NHS: variants seen among roughly 807,000 people sequenced by gnomAD.
NHS encodes NHS actin remodeling regulator.
In NHS, 5 loss-of-function variants were observed where a neutral mutation model predicts 72.5. The ratio of observed to expected loss-of-function variants is 0.07; its 90% CI spans 0.04 to 0.14. The LOEUF (loss-of-function observed/expected upper bound fraction) is 0.14. Among genes scored for constraint, NHS ranks in the 10% least tolerant of loss-of-function variants. The pLI is 1.00. For missense variants in NHS, 1,072 were observed against 1,355.7 expected (o/e 0.79, Z 3.29); for synonymous variants, 464 against 547.7 (o/e 0.85, Z 2.13).
At chrX:17,557,773 C>T (rs1382076869) in intron 1 of NHS, among the ~76,000 whole-genome samples, 1 of 111,299 alleles carries the variant, frequency 9.0e-6, no homozygotes, top group Admixed American at 9.5e-5. Flanking sequence ...AGGTCCACTT[C>T]GAAGTTTACA....
chrX:17,561,546 A>G (rs2065412303), intron 1 of NHS, among the ~76,000 whole-genome samples: 1 of 97,851 alleles, frequency 1.0e-5, no homozygotes, highest in African/African-American at 3.9e-5. Flanking sequence ...TTCTTCACAC[A>G]TGCAAGTGCA....
At chrX:17,473,902 ATATTTATT>A (rs750807045) in intron 1 of NHS, among the ~76,000 whole-genome samples, 1 of 111,211 alleles carries the variant, frequency 9.0e-6, no homozygotes, top group Non-Finnish European at 1.9e-5. Flanking sequence ...ACAATGCTTT[ATATTTATT>A]TATTTATTTA....
rs115775430 is a variant in NHS, at chrX:17,511,596, C to A, written c.565+135274C>A. 7.5e-3 allele frequency among the ~76,000 whole-genome samples: 844 copies of A among 112,057 alleles called. 5 individuals are homozygous for A. Among genetic ancestry groups the A allele is most frequent in the African/African-American group, 0.026 (813 of 30,850 alleles). On this transcript the variant is annotated intron_variant, in intron 1 of 8. Transcript: ENST00000676302. ...TCCCAGGAATCTGTATTTTAACAAA[C>A]CTTGTGTTATTCCTAGTGCCAGGCA...
intron 3 of NHS, among the ~76,000 whole-genome samples, chrX:17,697,522 A>G (rs1179338296): frequency 8.9e-6 from 1 of 112,136 alleles, no homozygotes; most frequent in Non-Finnish European, 1.9e-5. Context: ...AATTTTCAAC[A>G]TACAGGAACT....
chrX:17,687,263 T>G (rs2066168037), intron 1 of NHS: 2 of 182,109 alleles, frequency 1.1e-5, no homozygotes, highest in African/African-American at 5.9e-5. Flanking sequence ...GGGCAAGGTA[T>G]AGGCCGAAGT....
intron 1 of NHS, among the ~76,000 whole-genome samples, chrX:17,487,562 TG>T: frequency 9.0e-6 from 1 of 111,726 alleles, no homozygotes; most frequent in East Asian, 2.8e-4. Flanking sequence ...CTTCTCTCCC[TG>T]ATGTACCCGC....
Position 17,601,099 on chromosome X carries a change from G to A in NHS, c.566-86643G>A, listed in dbSNP as rs753070425. On this transcript the variant is annotated intron_variant, in intron 1 of 8. Transcript: ENST00000676302. ...GAAAGCCATTATAGGTGCTAGCATT[G>A]TAACTAATTAAGAAGTGGTAAAACC... 2.7e-5 allele frequency among the ~76,000 whole-genome samples: 3 copies of A among 111,965 alleles called. No individual in the cohort carries two copies. In the East Asian group the frequency reaches 8.4e-4, roughly 31 times the overall value.
intron 1 of NHS, among the ~76,000 whole-genome samples, chrX:17,656,226 G>T (rs188280886): frequency 3.5e-5 from 4 of 113,076 alleles, no homozygotes; most frequent in South Asian, 7.2e-4. Flanking sequence ...TAGGATTTCT[G>T]CACCAGGGGA....
chrX:17,731,964 T>A lies in NHS; in HGVS notation c.4456T>A (p.Ser1486Thr). 2 of 1,211,362 alleles carry A rather than the reference T, an allele frequency of 1.7e-6. No homozygotes were observed. The highest frequency in any genetic ancestry group is 1.1e-6 in the Non-Finnish European group (1 of 895,434). ...SSSSSASSIT[S>T]PSSNVTTPNS... is the part of the protein sequence containing the mutation. The stretch of plus-strand genomic sequence containing the variant: ...CAGCAGCAGCGCCAGTTCCATCACT[T>A]CACCCAGCAGTAATGTGACAACCCC... Residue 1486 changes from serine (S) to threonine (T), a missense_variant, in exon 9 of 9, where the codon TCA becomes ACA. Ser to Thr is a moderately conservative substitution (Grantham distance 58). Coordinates refer to ENST00000676302, the MANE Select transcript of NHS (RefSeq NM_001291867.2).
Position 17,717,074 on chromosome X carries a change from TCTC to T in NHS, c.853-2267_853-2265del, listed in dbSNP as rs200736008. 8.5e-3 allele frequency among the ~76,000 whole-genome samples: 926 copies of T among 109,143 alleles called. 26 individuals carry two copies. The highest frequency in any genetic ancestry group is 0.068 in the Admixed American group (701 of 10,284). 94.8% of individuals were successfully genotyped at this position (109,143 alleles called of 115,157 possible). Reference sequence around the variant, plus strand: ...CCTCTGCCTCCCAGGTTCAAGCAATTCTCCTGCCTCAGCCTCCCGAGTAGCTGG... The same window carrying T: ...CCTCTGCCTCCCAGGTTCAAGCAATTCTGCCTCAGCCTCCCGAGTAGCTGG... On this transcript the variant is annotated intron_variant, in intron 3 of 8. Coordinates refer to ENST00000676302, the MANE Select transcript of NHS (RefSeq NM_001291867.2).
chrX:17,454,913 T>A (rs1271737875), intron 1 of NHS, among the ~76,000 whole-genome samples: 1 of 111,785 alleles, frequency 8.9e-6, no homozygotes, highest in Non-Finnish European at 1.9e-5. Context: ...TGGTCATCTG[T>A]CAAATTGCAA....
At chrX:17,521,138 A>G (rs2065146490) in intron 1 of NHS, among the ~76,000 whole-genome samples, 1 of 111,943 alleles carries the variant, frequency 8.9e-6, no homozygotes, top group Non-Finnish European at 1.9e-5. Context: ...GCACAAAGCT[A>G]GGGGCCTGTG....
chrX:17,650,324 G>T (rs1047699258), intron 1 of NHS, among the ~76,000 whole-genome samples: 2 of 112,425 alleles, frequency 1.8e-5, no homozygotes, highest in African/African-American at 6.5e-5. Context: ...CATTTTAGAA[G>T]GTATTTTTGG....
At chrX:17,511,327 G>T (rs1049345868) in intron 1 of NHS, among the ~76,000 whole-genome samples, 1 of 111,592 alleles carries the variant, frequency 9.0e-6, no homozygotes, top group Non-Finnish European at 1.9e-5. Context: ...ACCACCGTAG[G>T]TCTCTCCATA....
chrX:17,712,868 G>A lies in NHS; in HGVS notation c.853-6476G>A, dbSNP rs1008774972. ...GAAGGCTCTGACTGCTGAGGAGAGAGTGGTGACAAAGGTCAAACCCAGAAA... is the reference window on the plus strand; with the variant it reads ...GAAGGCTCTGACTGCTGAGGAGAGAATGGTGACAAAGGTCAAACCCAGAAA... On this transcript the variant is annotated intron_variant, in intron 3 of 8. Coordinates refer to ENST00000676302, the MANE Select transcript of NHS (RefSeq NM_001291867.2). 9.9e-5 allele frequency among the ~76,000 whole-genome samples: 11 copies of A among 111,570 alleles called. No homozygotes were observed. The East Asian group carries it at 2.6e-3, about 26-fold the overall frequency.
At chrX:17,719,465 CT>C in intron 4 of NHS, 59 bp downstream of exon 4, 4 of 875,316 alleles carry the variant, frequency 4.6e-6, no homozygotes, top group Non-Finnish European at 4.7e-6. Context: ...GACACTCTTC[CT>C]TTTTTCCCTC....
rs1188835871 is a variant in NHS at position 17,687,752 on chromosome X, C to T, written c.576C>T (p.Asn192=). ...TTTCTTGTCTTGCAGCCGTCTCCAACCTGGACATAGAGAGTAAGCTGAGTG... is the reference window on the plus strand; with the variant it reads ...TTTCTTGTCTTGCAGCCGTCTCCAATCTGGACATAGAGAGTAAGCTGAGTG... ...DPKQEAVPVS[N]LDIESKLSVY... Residue 192 remains asparagine (N), a synonymous_variant, in exon 2 of 9, where the codon AAC becomes AAT. Transcript: ENST00000676302. 2 of 1,211,953 alleles carry T rather than the reference C, an allele frequency of 1.7e-6. No individual in the cohort carries two copies. The highest frequency in any genetic ancestry group is 2.2e-6 in the Non-Finnish European group (2 of 895,541).
intron 1 of NHS, among the ~76,000 whole-genome samples, chrX:17,469,196 A>G (rs1032935148): frequency 8.0e-5 from 9 of 112,227 alleles, no homozygotes; most frequent in Non-Finnish European, 1.7e-4. Context: ...ATAGACCACA[A>G]TGTATTGATC....
intron 1 of NHS, among the ~76,000 whole-genome samples, chrX:17,483,333 A>G (rs1236908322): frequency 8.9e-6 from 1 of 112,323 alleles, no homozygotes; most frequent in East Asian, 2.8e-4. Context: ...AGTCTAACAC[A>G]CATTATAATT....
Sources: gnomAD v4.1 joint callset for allele counts (sites outside exome capture counted in the v4.1 genomes callset) on GRCh38, gnomAD v4.1.1 for gene constraint, MANE v1.5 for transcripts, NCBI Gene and HGNC (gene_info 2026-07-23, HGNC 2026-07-21) for gene names.